Variants in PHACTR1 observed in about 807,000 individuals in gnomAD.
PHACTR1 encodes the protein RPEL repeat containing 1.
In PHACTR1, 16 loss-of-function variants were observed where a neutral mutation model predicts 69.2. That is an observed-to-expected ratio of 0.23 (90% CI 0.16 to 0.35). PHACTR1 has a LOEUF of 0.35. PHACTR1 is among the 10% of genes least tolerant of loss of function. PHACTR1 has a pLI of 1.00. For missense variants in PHACTR1, 510 were observed against 734.7 expected, an observed-to-expected ratio of 0.69 and a Z score of 3.54; for synonymous variants, 312 against 284.5, an observed-to-expected ratio of 1.10 and a Z score of -0.97.
chr6:12,838,009 G>C (rs1414411674), intron 4 of PHACTR1, among the ~76,000 whole-genome samples: 1 of 152,222 alleles, frequency 6.6e-6, no homozygotes, highest in Non-Finnish European at 1.5e-5. Context: ...ATTGTCAGCA[G>C]AATTCAGTTC....
intron 8 of PHACTR1, among the ~76,000 whole-genome samples, chr6:13,221,790 C>A (rs990877668): frequency 2.0e-5 from 3 of 152,212 alleles, no homozygotes; most frequent in African/African-American, 7.2e-5. Context: ...CTAATCCCAG[C>A]ACTTTGGGAG....
chr6:13,194,442 G>A lies in PHACTR1; in HGVS notation c.665-11373G>A, dbSNP rs550545414. ...AGAAAGAAAGGAAAAAGAAAAGAGA[G>A]CAGTTCTCTGGCAATGAATACTGTG... On this transcript the variant is annotated intron_variant, in intron 7 of 14. Coordinates refer to ENST00000332995, the MANE Select transcript of PHACTR1 (RefSeq NM_030948.6). Among the ~76,000 whole-genome samples the A allele has an allele frequency of 5.3e-5, 8 of 149,960 alleles. No individual in the cohort carries two copies. In the South Asian group the frequency reaches 1.7e-3, roughly 32 times the overall value.
chr6:12,926,003 C>G (rs1054101653), intron 4 of PHACTR1, among the ~76,000 whole-genome samples: 1 of 152,202 alleles, frequency 6.6e-6, no homozygotes, highest in Admixed American at 6.5e-5. Context: ...AGTCTATATT[C>G]CGTCTTCCAC....
At position 12,935,058 on chromosome 6, in the gene PHACTR1, G is replaced by T. The variant is rs140570535; in HGVS notation, c.251-118307G>T. On this transcript the variant is annotated intron_variant, in intron 4 of 14. Coordinates refer to ENST00000332995, the MANE Select transcript of PHACTR1 (RefSeq NM_030948.6). ...GCTGTGGCACTTTCTTCATATGGTTGCTGTGAGGATTAAATGAGATAATAG... is the reference window on the plus strand; with the variant it reads ...GCTGTGGCACTTTCTTCATATGGTTTCTGTGAGGATTAAATGAGATAATAG... Among the ~76,000 whole-genome samples the T allele has an allele frequency of 1.5e-3, 235 of 152,116 alleles. 1 individual carries two copies. The highest frequency in any genetic ancestry group is 5.3e-3 in the African/African-American group (219 of 41,502).
intron 5 of PHACTR1, among the ~76,000 whole-genome samples, chr6:13,144,344 A>G (rs1822961236): frequency 6.6e-6 from 1 of 152,220 alleles, no homozygotes; most frequent in Non-Finnish European, 1.5e-5. Context: ...GAACTAAATG[A>G]ATTTAGCAAG....
At chr6:12,845,839 T>C (rs1779205986) in intron 4 of PHACTR1, among the ~76,000 whole-genome samples, 1 of 152,210 alleles carries the variant, frequency 6.6e-6, no homozygotes, top group African/African-American at 2.4e-5. Flanking sequence ...AGAGTAACTT[T>C]GACTTCTTTG....
At chr6:12,982,923 G>A (rs1795696530) in intron 4 of PHACTR1, among the ~76,000 whole-genome samples, 1 of 152,206 alleles carries the variant, frequency 6.6e-6, no homozygotes, top group East Asian at 1.9e-4. Flanking sequence ...TACATCTGGT[G>A]TAAATGAATT....
At chr6:13,235,906 G>T (rs1322005717) in intron 10 of PHACTR1, among the ~76,000 whole-genome samples, 1 of 152,082 alleles carries the variant, frequency 6.6e-6, no homozygotes, top group East Asian at 1.9e-4. Context: ...CCAGATGAAA[G>T]AAAAAGCCTG....
intron 11 of PHACTR1, among the ~76,000 whole-genome samples, chr6:13,277,850 C>T (rs758570154): frequency 2.0e-5 from 3 of 151,154 alleles, no homozygotes; most frequent in Non-Finnish European, 4.4e-5. Flanking sequence ...CTTGGGAGGC[C>T]GAAGTAGGAG....
chr6:13,196,310 T>C (rs1047264455), intron 7 of PHACTR1, among the ~76,000 whole-genome samples: 2 of 151,116 alleles, frequency 1.3e-5, no homozygotes, highest in African/African-American at 2.4e-5. Flanking sequence ...TATTCTAGGA[T>C]CTTTAGAGGT....
rs954375647 is a variant in PHACTR1 at position 13,209,667 on chromosome 6, G to A, written c.986+3531G>A. 8.5e-5 allele frequency among the ~76,000 whole-genome samples: 13 copies of A among 152,178 alleles called. No individual in the cohort carries two copies. In the East Asian group the frequency reaches 1.2e-3, roughly 14 times the overall value. ...GAAAGGGGCCTTGAAGACCATCCAG[G>A]CCACCAAGCCCCTGCTCACAGCAGT... On this transcript the variant is annotated intron_variant, in intron 8 of 14. Coordinates refer to ENST00000332995, the MANE Select transcript of PHACTR1 (RefSeq NM_030948.6).
In PHACTR1 at chr6:13,264,097, A is replaced by G. The variant is rs187538793; in HGVS notation, c.1392-8763A>G. Among the ~76,000 whole-genome samples the G allele has an allele frequency of 5.4e-3, 820 of 152,336 alleles. 7 individuals are homozygous for G. Among genetic ancestry groups the G allele is most frequent in the African/African-American group, 0.019 (775 of 41,576 alleles). On this transcript the variant is annotated intron_variant, in intron 10 of 14. Coordinates refer to ENST00000332995, the MANE Select transcript of PHACTR1 (RefSeq NM_030948.6). Reference sequence around the variant, plus strand: ...AGTGAATGGTAAAATTTTAAACTAAAATAAGTCATCTTCAGTGTATCTCAA... The same window carrying G: ...AGTGAATGGTAAAATTTTAAACTAAGATAAGTCATCTTCAGTGTATCTCAA...
chr6:12,787,548 G>T (rs1771689939), intron 4 of PHACTR1, among the ~76,000 whole-genome samples: 1 of 152,156 alleles, frequency 6.6e-6, no homozygotes, highest in African/African-American at 2.4e-5. Context: ...GTAGATTCTG[G>T]GAGTTTATTC....
Position 13,275,251 on chromosome 6 carries a change from G to T in PHACTR1, c.1447+2336G>T, listed in dbSNP as rs1289551231. On this transcript the variant is annotated intron_variant, in intron 11 of 14. Transcript: ENST00000332995. The surrounding 1 kb of genome is among the most constrained non-coding windows in gnomAD (Gnocchi z 4.0). Reference sequence around the variant, plus strand: ...CCTGTTCTGTCCAGCAGCCAGTGAGGCCCTGTGCACCTCTGAGCACATAAT... The same window carrying T: ...CCTGTTCTGTCCAGCAGCCAGTGAGTCCCTGTGCACCTCTGAGCACATAAT... 3.3e-5 allele frequency: 5 copies of T among 152,396 alleles called. No homozygotes were observed. Among genetic ancestry groups the T allele is most frequent in the African/African-American group, 1.2e-4 (5 of 41,434 alleles). The allele number at this position is 152,396 out of a possible 1,614,324, so 9.4% of individuals were successfully genotyped here. A position where few individuals can be genotyped will look rare whatever the true frequency, so the allele number is the denominator to read the frequency against.
chr6:12,917,591 C>A (rs1243346548), intron 4 of PHACTR1, among the ~76,000 whole-genome samples: 1 of 151,934 alleles, frequency 6.6e-6, no homozygotes, highest in Non-Finnish European at 1.5e-5. Flanking sequence ...TGTCTGTAAA[C>A]AAGTTAAAAA....
At chr6:12,884,633 C>T (rs1783452011) in intron 4 of PHACTR1, among the ~76,000 whole-genome samples, 1 of 152,142 alleles carries the variant, frequency 6.6e-6, no homozygotes, top group Non-Finnish European at 1.5e-5. Flanking sequence ...GATCTCCTGA[C>T]CTCATGGTCC....
At chr6:13,206,656 C>A (rs1398259840) in intron 8 of PHACTR1, among the ~76,000 whole-genome samples, 1 of 152,164 alleles carries the variant, frequency 6.6e-6, no homozygotes, top group Non-Finnish European at 1.5e-5. Flanking sequence ...CCCAATTATT[C>A]CAGTTCCGGG....
intron 10 of PHACTR1, chr6:13,267,838 GAAAA>G (rs558900640): frequency 8.9e-5 from 9 of 101,032 alleles, no homozygotes; most frequent in East Asian, 7.0e-4. Flanking sequence ...GGAATGATCT[GAAAA>G]AAAAAAAAAA....
intron 10 of PHACTR1, among the ~76,000 whole-genome samples, chr6:13,248,009 C>A (rs971254244): frequency 3.3e-5 from 5 of 152,230 alleles, no homozygotes; most frequent in African/African-American, 1.2e-4. Context: ...TCAGCACATC[C>A]TCCTTCAATT....
Sources: gnomAD v4.1 joint callset for allele counts (sites outside exome capture counted in the v4.1 genomes callset) on GRCh38, gnomAD v4.1.1 for gene constraint, Gnocchi (gnomAD v3.1) non-coding constraint, MANE v1.5 for transcripts, NCBI Gene and HGNC (gene_info 2026-07-23, HGNC 2026-07-21) for gene names.